Variants in THSD7A observed in about 807,000 individuals in gnomAD.
THSD7A encodes thrombospondin type 1 domain containing 7A, also known as thrombospondin type-1 domain-containing protein 7A.
In THSD7A, 96 loss-of-function variants were observed where a neutral mutation model predicts 231.3. The observed-to-expected ratio is 0.41, with a 90% CI of 0.35 to 0.49. The LOEUF is 0.49. Ranked by LOEUF, THSD7A falls within the 20% of genes least tolerant of loss-of-function variation. THSD7A has a pLI of 0.05. For missense variants in THSD7A, 2,290 were observed against 2,070.2 expected, an observed-to-expected ratio of 1.11 and a Z score of -2.06; for synonymous variants, 940 against 743.3, an observed-to-expected ratio of 1.26 and a Z score of -4.30.
At chr7:11,522,141 G>C (rs543228034) in intron 6 of THSD7A, among the ~76,000 whole-genome samples, 2 of 152,150 alleles carry the variant, frequency 1.3e-5, no homozygotes. Flanking sequence ...AACTGAAAGT[G>C]AGTGGTAAAG....
intron 1 of THSD7A, among the ~76,000 whole-genome samples, chr7:11,656,980 G>C (rs1332650724): frequency 6.6e-6 from 1 of 151,834 alleles, no homozygotes; most frequent in East Asian, 1.9e-4. Context: ...TAAATTCCAT[G>C]TTACTCAATT....
intron 16 of THSD7A, among the ~76,000 whole-genome samples, 166 bp from the exon 17 acceptor site, chr7:11,417,769 T>A (rs1010522459): frequency 1.1e-4 from 16 of 152,188 alleles, no homozygotes; most frequent in Non-Finnish European, 2.2e-4. Flanking sequence ...TCTCCACAAA[T>A]GAAGACTTAA....
intron 23 of THSD7A, among the ~76,000 whole-genome samples, chr7:11,400,798 G>A (rs1352116271): frequency 6.6e-6 from 1 of 152,094 alleles, no homozygotes; most frequent in Non-Finnish European, 1.5e-5. Context: ...CAGTAAGAAA[G>A]GTGATATTTT....
chr7:11,426,798 T>C, intron 14 of THSD7A, 127 bp from the exon 15 acceptor site: 2 of 933,694 alleles, frequency 2.1e-6, no homozygotes, highest in Non-Finnish European at 3.1e-6. Flanking sequence ...AACCTACTTT[T>C]TTGGTAAAAT....
rs748722205 is a variant in THSD7A, at chr7:11,831,909, C to T, written c.38G>A (p.Arg13Gln). The change falls in exon 1 of 28, where the codon CGG (arginine) becomes CAG (glutamine). Residue 13 changes from arginine to glutamine, a missense_variant. Coordinates refer to ENST00000423059, the MANE Select transcript of THSD7A (RefSeq NM_015204.3). The surrounding 1 kb of genome is among the most constrained non-coding windows in gnomAD (Gnocchi z 5.0). ...LQARRWASGS[R>Q]GAAGPRRGVL... ...GCCCCGGCGCGGCCCCGCAGCGCCC[C>T]GGCTCCCGGACGCCCAGCGCCTGGC... 7.3e-6 allele frequency: 9 copies of T among 1,237,896 alleles called. No individual in the cohort carries two copies. The South Asian group carries it at 1.2e-4, about 17-fold the overall frequency. 76.7% of individuals were successfully genotyped at this position (1,237,896 alleles called of 1,614,324 possible). A position where few individuals can be genotyped will look rare whatever the true frequency, so the allele number is the denominator to read the frequency against.
chr7:11,497,224 G>A (rs990336913), intron 6 of THSD7A, among the ~76,000 whole-genome samples: 3 of 152,162 alleles, frequency 2.0e-5, no homozygotes, highest in African/African-American at 7.2e-5. Flanking sequence ...AGAATAGGAT[G>A]AGGGAAACTG....
At position 11,460,719 on chromosome 7, in the gene THSD7A, C is replaced by T. The variant is rs199705914; in HGVS notation, c.2548G>A (p.Val850Met). 5.0e-5 allele frequency: 80 copies of T among 1,612,634 alleles called. No individual in the cohort carries two copies. The highest frequency in any genetic ancestry group is 3.3e-4 in the Admixed American group (20 of 59,882). ...WRRCQLVPWS[V>M]QQDSPGAQEG... ...TGTGCTCCAGGGCTGTCTTGTTGCA[C>T]GCTCCAAGGGACTAATTGGCATCTG... Residue 850 changes from valine to methionine, a missense_variant, in exon 11 of 28, where the codon GTG becomes ATG. Physicochemically the swap from Val to Met is conservative, Grantham distance 21. Coordinates refer to ENST00000423059, the MANE Select transcript of THSD7A (RefSeq NM_015204.3).
intron 1 of THSD7A, among the ~76,000 whole-genome samples, chr7:11,774,586 G>A (rs536148302): frequency 5.9e-5 from 9 of 152,000 alleles, no homozygotes; most frequent in African/African-American, 1.9e-4. Flanking sequence ...TGTAGTCTTG[G>A]TATAACAATC....
intron 4 of THSD7A, among the ~76,000 whole-genome samples, chr7:11,547,516 G>A (rs568382521): frequency 2.6e-5 from 4 of 152,246 alleles, no homozygotes; most frequent in African/African-American, 9.6e-5. Flanking sequence ...GACCTCCACA[G>A]AACATTCCAT....
chr7:11,763,890 G>A (rs1782944387), intron 1 of THSD7A, among the ~76,000 whole-genome samples: 1 of 152,118 alleles, frequency 6.6e-6, no homozygotes, highest in Admixed American at 6.5e-5. Context: ...AAATTCCTCT[G>A]TGGAGTAGTT....
Position 11,542,216 on chromosome 7 carries a change from A to G in THSD7A, c.1610-585T>C, listed in dbSNP as rs1278404558. On this transcript the variant is annotated intron_variant, in intron 5 of 27. Coordinates refer to ENST00000423059, the MANE Select transcript of THSD7A (RefSeq NM_015204.3). ...TAAGCCATGTGGGCTCCAGTGTGAAATATTCAAAGTCCTGCTTTGTGCTTT... is the reference window on the plus strand; with the variant it reads ...TAAGCCATGTGGGCTCCAGTGTGAAGTATTCAAAGTCCTGCTTTGTGCTTT... 1.3e-5 allele frequency among the ~76,000 whole-genome samples: 2 copies of G among 152,212 alleles called. 1 individual carries two copies. The highest frequency in any genetic ancestry group is 1.3e-4 in the Admixed American group (2 of 15,288).
At chr7:11,745,431 A>G (rs1459799470) in intron 1 of THSD7A, among the ~76,000 whole-genome samples, 1 of 152,118 alleles carries the variant, frequency 6.6e-6, no homozygotes, top group South Asian at 2.1e-4. Context: ...TTTGCTGTGC[A>G]GAAGCTCTTT....
At chr7:11,419,729 T>C (rs1463867345) in intron 16 of THSD7A, among the ~76,000 whole-genome samples, 1 of 152,206 alleles carries the variant, frequency 6.6e-6, no homozygotes, top group Non-Finnish European at 1.5e-5. Flanking sequence ...GTTTGGAACT[T>C]CCTAAAGACT....
intron 1 of THSD7A, among the ~76,000 whole-genome samples, chr7:11,821,584 G>A (rs777427839): frequency 1.3e-5 from 2 of 151,992 alleles, no homozygotes; most frequent in Non-Finnish European, 2.9e-5. Flanking sequence ...TTTTCTCTGT[G>A]CTGTTTTTCT....
At chr7:11,613,524 C>T (rs867597906) in intron 2 of THSD7A, among the ~76,000 whole-genome samples, 1 of 152,272 alleles carries the variant, frequency 6.6e-6, no homozygotes, top group Middle Eastern at 3.4e-3. Context: ...AAATATACCT[C>T]TCACTCCTAT....
chr7:11,772,898 A>G (rs1385616647), intron 1 of THSD7A, among the ~76,000 whole-genome samples: 2 of 152,232 alleles, frequency 1.3e-5, no homozygotes, highest in African/African-American at 4.8e-5. Context: ...TTTGATAAAT[A>G]AAATCCAACA....
At position 11,632,951 on chromosome 7, in the gene THSD7A, T is replaced by C. The variant is rs1781708969; in HGVS notation, c.1022+3179A>G. Among the ~76,000 whole-genome samples the C allele has an allele frequency of 6.6e-6, 1 of 152,236 alleles. No homozygotes were observed. The highest frequency in any genetic ancestry group is 1.5e-5 in the Non-Finnish European group (1 of 68,034). ...TATAGTAATGTCCTTTGTTTGCATA[T>C]CCATTATCTCTTTTAAAAATTAGTT... On this transcript the variant is annotated intron_variant, in intron 2 of 27. Coordinates refer to ENST00000423059, the MANE Select transcript of THSD7A (RefSeq NM_015204.3). This position sits in a 1 kb window ranked among gnomAD's most constrained non-coding sequence, Gnocchi z 4.1.
chr7:11,442,294 T>TA (rs369760494), intron 13 of THSD7A, among the ~76,000 whole-genome samples: 8 of 151,744 alleles, frequency 5.3e-5, no homozygotes, highest in African/African-American at 1.7e-4. Flanking sequence ...TTAAGAAACT[T>TA]AAAAAAAAGT....
intron 1 of THSD7A, among the ~76,000 whole-genome samples, chr7:11,762,018 C>T (rs1782880688): frequency 6.6e-6 from 1 of 152,044 alleles, no homozygotes; most frequent in African/African-American, 2.4e-5. Context: ...TTTTCTTTTT[C>T]TGCATTAATT....
Sources: allele counts gnomAD v4.1 joint callset (sites outside exome capture counted in the v4.1 genomes callset), GRCh38; gene constraint gnomAD v4.1.1; non-coding constraint Gnocchi (gnomAD v3.1); transcripts MANE v1.5; gene names NCBI Gene and HGNC (gene_info 2026-07-23, HGNC 2026-07-21).